NOA1: variants seen among roughly 807,000 people sequenced by gnomAD.
NOA1 encodes the protein nitric oxide-associated protein 1.
Under a neutral mutation model 58.4 loss-of-function variants are expected in NOA1, and 35 were observed. The ratio of observed to expected loss-of-function variants is 0.60; its 90% CI spans 0.46 to 0.79. NOA1 has a LOEUF of 0.79. Ranked by LOEUF, NOA1 falls within the 30% of genes least tolerant of loss-of-function variation. The probability of loss-of-function intolerance (pLI) is 0.00; values close to 1 mark genes in which losing one functional copy is unlikely to be tolerated. For missense variants in NOA1, 895 were observed against 894.6 expected (o/e 1.00, Z -0.01); for synonymous variants, 397 against 373.4 (o/e 1.06, Z -0.73).
rs1721934735 is a variant in NOA1, at chr4:56,976,754, G to A, written c.832C>T (p.Leu278=). The A allele has an allele frequency of 6.2e-7, 1 of 1,609,848 alleles. No individual in the cohort carries two copies. Among genetic ancestry groups the A allele is most frequent in the African/African-American group, 1.3e-5 (1 of 74,878 alleles). ...LWEDCARAGL[L]LAPGHQGPQR... ...GGCCCTTGGTGGCCAGGGGCCAGCA[G>A]GAGCCCGGCGCGGGCACAGTCCTCC... Residue 278 remains leucine, a synonymous_variant, in exon 1 of 7, where the codon CTG becomes TTG. Transcript: ENST00000264230.
chr4:56,969,707 G>C (rs1228738420), intron 3 of NOA1, among the ~76,000 whole-genome samples: 1 of 152,214 alleles, frequency 6.6e-6, no homozygotes, highest in East Asian at 1.9e-4. Flanking sequence ...GCCATTTGCA[G>C]GTCAGCCATG....
chr4:56,971,533 C>A (rs1721810879), intron 3 of NOA1, among the ~76,000 whole-genome samples: 1 of 151,978 alleles, frequency 6.6e-6, no homozygotes, highest in African/African-American at 2.4e-5. Flanking sequence ...GAGAATGTAA[C>A]TATAAGTGTT....
rs1186399066 is a variant in NOA1, at chr4:56,976,874, C to A, written c.712G>T (p.Val238Leu). The change falls in exon 1 of 7, where the codon GTG becomes TTG. Residue 238 changes from valine to leucine, a missense_variant. By Grantham distance (32) the Val-to-Leu change is conservative (BLOSUM62 1). This residue lies in a region of NOA1 where 680 missense variants were observed against 656.5 expected (regional missense o/e 1.04). Coordinates refer to ENST00000264230, the MANE Select transcript of NOA1 (RefSeq NM_032313.4). ...DALLPDLPALVGPKQLIVLGN... is the reference protein window; with the variant it reads ...DALLPDLPALLGPKQLIVLGN... Reference sequence around the variant, plus strand: ...AGCACGATCAGCTGCTTGGGGCCCACCAGCGCGGGCAAGTCGGGCAGCAGG... The same window carrying A: ...AGCACGATCAGCTGCTTGGGGCCCAACAGCGCGGGCAAGTCGGGCAGCAGG... 1 of 1,613,122 alleles carries A rather than the reference C, an allele frequency of 6.2e-7. No homozygotes were observed. The highest frequency in any genetic ancestry group is 2.2e-5 in the East Asian group (1 of 44,860).
chr4:56,971,277 C>G lies in NOA1; in HGVS notation c.1515+1871G>C, dbSNP rs145772524. Among the ~76,000 whole-genome samples the G allele has an allele frequency of 2.9e-3, 389 of 136,328 alleles. 1 individual carries two copies. Among genetic ancestry groups the G allele is most frequent in the African/African-American group, 0.01 (379 of 36,236 alleles). 89.4% of individuals were successfully genotyped at this position (136,328 alleles called of 152,430 possible). A position where few individuals can be genotyped will look rare whatever the true frequency, so the allele number is the denominator to read the frequency against. On this transcript the variant is annotated intron_variant, in intron 3 of 6. Coordinates refer to ENST00000264230, the MANE Select transcript of NOA1 (RefSeq NM_032313.4). ...GCAGTGAGCCAAGATCATTGCGCCACTGCACTCCAGCCTGGGCAAGAGAGT... is the reference window on the plus strand; with the variant it reads ...GCAGTGAGCCAAGATCATTGCGCCAGTGCACTCCAGCCTGGGCAAGAGAGT...
Position 56,968,522 on chromosome 4 carries a change from A to C in NOA1, c.1516-7T>G. On this transcript the variant is annotated splice_region_variant and splice_polypyrimidine_tract_variant and intron_variant, in intron 3 of 6. Coordinates refer to ENST00000264230, the MANE Select transcript of NOA1 (RefSeq NM_032313.4). ...CTGTTAGAAGATTTAAAATCTGTGA[A>C]GCAAATGGCAGATTTTTAAGAAAAT... 6.4e-7 allele frequency: 1 copy of C among 1,557,622 alleles called. No homozygotes were observed. Among genetic ancestry groups the C allele is most frequent in the Non-Finnish European group, 8.7e-7 (1 of 1,145,148 alleles).
chr4:56,977,029 G>C lies in NOA1; in HGVS notation c.557C>G (p.Ser186Trp), dbSNP rs1277205368. 6 of 1,587,294 alleles carry C rather than the reference G, an allele frequency of 3.8e-6. No homozygotes were observed. ...RTVCQRCWLL[S>W]HHRRALRLQV... ...CAGGCGTAGAGCGCGCCGGTGGTGC[G>C]ACAGCAGCCAGCAGCGCTGGCACAC... Residue 186 changes from serine (S) to tryptophan (W), a missense_variant, in exon 1 of 7, where the codon TCG (serine) becomes TGG (tryptophan). This residue lies in a region of NOA1 where 680 missense variants were observed against 656.5 expected (regional missense o/e 1.04). Transcript: ENST00000264230.
chr4:56,969,873 C>T (rs1274931287), intron 3 of NOA1, among the ~76,000 whole-genome samples: 2 of 151,912 alleles, frequency 1.3e-5, no homozygotes, highest in African/African-American at 4.8e-5. Flanking sequence ...TTCTGCCTCC[C>T]GGGTTCAAGC....
Position 56,973,952 on chromosome 4 carries a change from T to C in NOA1, c.1215A>G (p.Gln405=), listed in dbSNP as rs771842965. ...PTPYRMFKRH[Q]RLKKDSTQAE... ...CTTGAGTTGAATCTTTTTTAAGTCT[T>C]TGATGCCTTTTAAACATTCTGTAAG... The change falls in exon 2 of 7, where the codon CAA becomes CAG. Residue 405 remains glutamine, a synonymous_variant. Coordinates refer to ENST00000264230, the MANE Select transcript of NOA1 (RefSeq NM_032313.4). 2 of 1,614,104 alleles carry C rather than the reference T, an allele frequency of 1.2e-6. No homozygotes were observed. The highest frequency in any genetic ancestry group is 2.2e-5 in the East Asian group (1 of 44,878).
chr4:56,972,838 T>C (rs962107659), intron 3 of NOA1, among the ~76,000 whole-genome samples: 47 of 152,198 alleles, frequency 3.1e-4, no homozygotes, highest in Non-Finnish European at 7.3e-5. Context: ...CTTGATGGCA[T>C]ACAGATTCAC....
At chr4:56,974,821 C>T (rs1428578360) in intron 1 of NOA1, among the ~76,000 whole-genome samples, 1 of 151,878 alleles carries the variant, frequency 6.6e-6, no homozygotes, top group African/African-American at 2.4e-5. Flanking sequence ...TCACCCTCAG[C>T]CTCCTGAGTA....
intron 5 of NOA1, among the ~76,000 whole-genome samples, chr4:56,965,693 GGTGTGTGTGTGTGTGT>G (rs10548713): frequency 4.0e-5 from 6 of 149,062 alleles, no homozygotes; most frequent in Admixed American, 2.0e-4. Context: ...TCCAAAGTAT[GGTGTGTGTGTGTGTGT>G]GTGTGTGTGT....
At chr4:56,966,845 G>T in intron 4 of NOA1, 109 bp from the exon 5 acceptor site, 1 of 715,266 alleles carries the variant, frequency 1.4e-6, no homozygotes, top group Non-Finnish European at 2.5e-6. Flanking sequence ...AACCCAATCA[G>T]ACTCCCTTTA....
In NOA1 at chr4:56,976,820, C is replaced by T. The variant is rs1721937588; in HGVS notation, c.766G>A (p.Asp256Asn). 1 of 1,612,252 alleles carries T rather than the reference C, an allele frequency of 6.2e-7. No homozygotes were observed. Among genetic ancestry groups the T allele is most frequent in the Non-Finnish European group, 8.5e-7 (1 of 1,179,298 alleles). Reference protein sequence around the residue: ...LGNKVDLLPQDAPGYRQRLRE... With the variant: ...LGNKVDLLPQNAPGYRQRLRE... The stretch of plus-strand genomic sequence containing the variant: ...AGCCTCTGCCGGTAGCCAGGAGCAT[C>T]CTGGGGCAGGAGGTCCACTTTGTTT... Residue 256 changes from aspartate to asparagine, a missense_variant, in exon 1 of 7, where the codon GAT becomes AAT. Coordinates refer to ENST00000264230, the MANE Select transcript of NOA1 (RefSeq NM_032313.4).
At chr4:56,969,496 C>T (rs1022039505) in intron 3 of NOA1, among the ~76,000 whole-genome samples, 4 of 152,020 alleles carry the variant, frequency 2.6e-5, no homozygotes, top group African/African-American at 9.7e-5. Flanking sequence ...CACTTGAATC[C>T]GGGAGGCGGA....
chr4:56,968,203 C>T (rs532930986), intron 4 of NOA1, among the ~76,000 whole-genome samples, 181 bp downstream of exon 4: 9 of 152,196 alleles, frequency 5.9e-5, no homozygotes, highest in African/African-American at 1.9e-4. Flanking sequence ...CAGGTGTGAG[C>T]CACTGTGCCC....
At position 56,966,639 on chromosome 4, in the gene NOA1, G is replaced by A. The variant is rs1473284672; in HGVS notation, c.1745C>T (p.Ala582Val). 5 of 1,610,200 alleles carry A rather than the reference G, an allele frequency of 3.1e-6. No individual in the cohort carries two copies. The East Asian group carries it at 8.9e-5, about 29-fold the overall frequency. ...DRADALYQKH[A>V]GHTLLQIPMG... ...CCTTACCTGGAGTAACGTATGACCT[G>A]CATGCTTCTGATACAGAGCGTCTGC... The change falls in exon 5 of 7, where the codon GCA (alanine) becomes GTA (valine). Residue 582 changes from alanine to valine, a missense_variant. This residue lies in a region of NOA1 where 212 missense variants were observed against 221.3 expected (regional missense o/e 0.96). Transcript: ENST00000264230.
Position 56,977,476 on chromosome 4 carries a change from G to A in NOA1, c.110C>T (p.Ala37Val), listed in dbSNP as rs563969405. Residue 37 changes from alanine to valine, a missense_variant, in exon 1 of 7, where the codon GCT (alanine) becomes GTT (valine). Around this residue, in one of 3 missense-constraint regions of NOA1, gnomAD observed 680 missense variants for 656.5 expected, o/e 1.04. Coordinates refer to ENST00000264230, the MANE Select transcript of NOA1 (RefSeq NM_032313.4). ...TGAGTGCTGGAAGGAGGAGGCGGCAGCGCACCTCCTCTCCAGGAGCGGCTC... is the reference window on the plus strand; with the variant it reads ...TGAGTGCTGGAAGGAGGAGGCGGCAACGCACCTCCTCTCCAGGAGCGGCTC... ...LREPLLERRC[A>V]AASSFQHSSS... 6.2e-7 allele frequency: 1 copy of A among 1,613,966 alleles called. No individual in the cohort carries two copies. Among genetic ancestry groups the A allele is most frequent in the South Asian group, 1.1e-5 (1 of 91,086 alleles).
chr4:56,966,103 T>G (rs1721703957), intron 5 of NOA1, among the ~76,000 whole-genome samples: 1 of 143,704 alleles, frequency 7.0e-6, no homozygotes, highest in Non-Finnish European at 1.5e-5. Context: ...CTTGGCTCAC[T>G]GCAACCTCTG....
chr4:56,969,138 G>T (rs535963259), intron 3 of NOA1, among the ~76,000 whole-genome samples: 1 of 152,194 alleles, frequency 6.6e-6, no homozygotes, highest in South Asian at 2.1e-4. Flanking sequence ...CCCTTCTAAG[G>T]ATGACAAGTT....
Sources: gnomAD v4.1 joint callset for allele counts (sites outside exome capture counted in the v4.1 genomes callset) on GRCh38, gnomAD v4.1.1 for gene constraint, gnomAD v4.1.1 regional missense constraint, MANE v1.5 for transcripts, NCBI Gene and HGNC (gene_info 2026-07-23, HGNC 2026-07-21) for gene names.